Variants in ELOA2 observed in about 807,000 individuals in gnomAD.
The protein encoded by ELOA2 is elongin-A2.
For synonymous variants in ELOA2, 497 were observed against 398.8 expected (o/e 1.25, Z -2.94); for missense variants, 1,271 against 979.7 (o/e 1.30, Z -3.97).
At position 47,034,868 on chromosome 18, in the gene ELOA2, G is replaced by A. The variant is rs997095387; in HGVS notation, c.397C>T (p.Arg133Cys). 3 of 1,612,114 alleles carry A rather than the reference G, an allele frequency of 1.9e-6. No homozygotes were observed. The highest frequency in any genetic ancestry group is 2.5e-6 in the Non-Finnish European group (3 of 1,179,940). Residue 133 changes from arginine to cysteine, a missense_variant, in exon 1 of 1, where the codon CGC (arginine) becomes TGC (cysteine). Transcript: ENST00000332567. ...SHSPEHRRTA[R>C]RTPPGQQRPH... is the part of the protein sequence containing the mutation. ...CTCTGTTGCCCCGGAGGTGTTCTGCGTGCTGTCCGTCTGTGCTCAGGGCTG... is the reference window on the plus strand; with the variant it reads ...CTCTGTTGCCCCGGAGGTGTTCTGCATGCTGTCCGTCTGTGCTCAGGGCTG...
rs2060530243 is a variant in ELOA2, at chr18:47,032,697, T to A, written c.*306A>T. 2 of 451,506 alleles carry A rather than the reference T, an allele frequency of 4.4e-6. No homozygotes were observed. The highest frequency in any genetic ancestry group is 4.0e-5 in the Admixed American group (1 of 24,854). The allele number at this position is 451,506 out of a possible 1,614,324, so 28.0% of individuals were successfully genotyped here. On this transcript the variant is annotated 3_prime_UTR_variant, in exon 1 of 1. Transcript: ENST00000332567. The stretch of plus-strand genomic sequence containing the variant: ...AAGAAAGGAAAAAGGAAATCTCACA[T>A]CTTTTTCCTTATTTATGATTACAAC...
At position 47,034,626 on chromosome 18, in the gene ELOA2, G is replaced by A. The variant is rs766294524; in HGVS notation, c.639C>T (p.Gly213=). 6.2e-6 allele frequency: 10 copies of A among 1,614,088 alleles called. No homozygotes were observed. Among genetic ancestry groups the A allele is most frequent in the Middle Eastern group, 1.7e-4 (1 of 6,042 alleles). The part of the protein sequence containing the change: ...GGPLLCPGCQ[G]QPQGKAVVSH... ...TCACAACGGCTTTCCCCTGGGGTTGGCCCTGGCAGCCTGGACACAGCAGAG... is the reference window on the plus strand; with the variant it reads ...TCACAACGGCTTTCCCCTGGGGTTGACCCTGGCAGCCTGGACACAGCAGAG... The change falls in exon 1 of 1, where the codon GGC becomes GGT. Residue 213 remains glycine, a synonymous_variant. Coordinates refer to ENST00000332567, the MANE Select transcript of ELOA2 (RefSeq NM_016427.3).
chr18:47,035,300 G>T lies in ELOA2; in HGVS notation c.-36C>A. On this transcript the variant is annotated 5_prime_UTR_variant, in exon 1 of 1. Coordinates refer to ENST00000332567, the MANE Select transcript of ELOA2 (RefSeq NM_016427.3). ...CTGTGCAGGCGTCGCTGTCCCGGCG[G>T]TCGCAGCTCTGTCTTTGGGGCTGCG... is the stretch of plus-strand genomic sequence containing the variant. 6.2e-7 allele frequency: 1 copy of T among 1,611,612 alleles called. No individual in the cohort carries two copies. The highest frequency in any genetic ancestry group is 1.7e-5 in the Admixed American group (1 of 59,992).
In ELOA2 at chr18:47,033,342, C is replaced by A. The variant is rs1055792077; in HGVS notation, c.1923G>T (p.Met641Ile). The A allele has an allele frequency of 9.9e-6, 16 of 1,613,852 alleles. No individual in the cohort carries two copies. The highest frequency in any genetic ancestry group is 1.3e-5 in the African/African-American group (1 of 74,914). Reference sequence around the variant, plus strand: ...TCTTGGCCACAGATTTGAAACAGATCATCTTTGCCTCTCTGCCGTTGGGGT... The same window carrying A: ...TCTTGGCCACAGATTTGAAACAGATAATCTTTGCCTCTCTGCCGTTGGGGT... ...GNNPNGREAK[M>I]ICFKSVAKTP... Residue 641 changes from methionine (M) to isoleucine (I), a missense_variant, in exon 1 of 1, where the codon ATG becomes ATT. Transcript: ENST00000332567.
chr18:47,034,474 C>G lies in ELOA2; in HGVS notation c.791G>C (p.Arg264Thr), dbSNP rs1359072930. 6.2e-7 allele frequency: 1 copy of G among 1,614,004 alleles called. No individual in the cohort carries two copies. Among genetic ancestry groups the G allele is most frequent in the African/African-American group, 1.3e-5 (1 of 74,950 alleles). ...CGACLREETP[R>T]MPSWASARDR... ...CCTGGCACTTGCCCAGGAGGGCATC[C>G]TTGGGGTTTCCTCTCTTAAGCAGGC... is the stretch of plus-strand genomic sequence containing the variant. The change falls in exon 1 of 1, where the codon AGG becomes ACG. Residue 264 changes from arginine (R) to threonine (T), a missense_variant. Transcript: ENST00000332567.
In ELOA2 at chr18:47,032,533, G is replaced by A. The variant is rs1485730789; in HGVS notation, c.*470C>T. The A allele has an allele frequency of 2.5e-5, 5 of 200,312 alleles. No individual in the cohort carries two copies. The South Asian group carries it at 3.3e-4, about 13-fold the overall frequency. The allele number at this position is 200,312 out of a possible 1,614,324, so 12.4% of individuals were successfully genotyped here. On this transcript the variant is annotated 3_prime_UTR_variant, in exon 1 of 1. Coordinates refer to ENST00000332567, the MANE Select transcript of ELOA2 (RefSeq NM_016427.3). ...AAAGGAGGATGGCTCACGATTACAA[G>A]ATCATGCTCAGCCTTTTATTAAAAC...
chr18:47,032,915 G>A lies in ELOA2; in HGVS notation c.*88C>T. On this transcript the variant is annotated 3_prime_UTR_variant, in exon 1 of 1. Coordinates refer to ENST00000332567, the MANE Select transcript of ELOA2 (RefSeq NM_016427.3). ...TTTGCACCAAGTTAAAGGTTCTGGT[G>A]TCCATTGGAAGTTTCGTTCCCCAAC... is the stretch of plus-strand genomic sequence containing the variant. 1 of 1,607,168 alleles carries A rather than the reference G, an allele frequency of 6.2e-7. No homozygotes were observed. The highest frequency in any genetic ancestry group is 8.5e-7 in the Non-Finnish European group (1 of 1,176,456).
chr18:47,033,806 C>G lies in ELOA2; in HGVS notation c.1459G>C (p.Ala487Pro). Residue 487 changes from alanine (A) to proline (P), a missense_variant, in exon 1 of 1, where the codon GCA (alanine) becomes CCA (proline). By Grantham distance (27) the Ala-to-Pro change is conservative (BLOSUM62 -1). Transcript: ENST00000332567. ...GGTGAAGAGAGTGCTTCTGGCTTTG[C>G]CTGGGAGGTCATGGAGTCAGAATCC... is the stretch of plus-strand genomic sequence containing the variant. ...LSDSDSMTSQAKPEALSSPKF... is the reference protein window; with the variant it reads ...LSDSDSMTSQPKPEALSSPKF... 1 of 1,614,180 alleles carries G rather than the reference C, an allele frequency of 6.2e-7. No homozygotes were observed. The highest frequency in any genetic ancestry group is 8.5e-7 in the Non-Finnish European group (1 of 1,180,040).
At position 47,033,106 on chromosome 18, in the gene ELOA2, T is replaced by A; in HGVS notation, c.2159A>T (p.His720Leu). ...ANPCLSSSNE[H>L]AAPAAKTRKQ... ...CCGGGTTTTGGCCGCGGGCGCCGCG[T>A]GCTCATTGCTGCTGCTCAGGCAGGG... Residue 720 changes from histidine (H) to leucine (L), a missense_variant, in exon 1 of 1, where the codon CAC (histidine) becomes CTC (leucine). By Grantham distance (99) the His-to-Leu change is moderately conservative. Coordinates refer to ENST00000332567, the MANE Select transcript of ELOA2 (RefSeq NM_016427.3). 1 of 1,614,146 alleles carries A rather than the reference T, an allele frequency of 6.2e-7. No individual in the cohort carries two copies. Among genetic ancestry groups the A allele is most frequent in the Non-Finnish European group, 8.5e-7 (1 of 1,180,046 alleles).
chr18:47,035,354 C>G lies in ELOA2; in HGVS notation c.-90G>C. 1 of 1,590,978 alleles carries G rather than the reference C, an allele frequency of 6.3e-7. No individual in the cohort carries two copies. Among genetic ancestry groups the G allele is most frequent in the East Asian group, 2.3e-5 (1 of 44,426 alleles). On this transcript the variant is annotated 5_prime_UTR_variant, in exon 1 of 1. Coordinates refer to ENST00000332567, the MANE Select transcript of ELOA2 (RefSeq NM_016427.3). ...CAGGAAGTCTGGGGTGGCCGGTCCT[C>G]GCTGCCCGGTCGCCAGGCAGCGACC...
Position 47,032,883 on chromosome 18 carries a change from G to T in ELOA2, c.*120C>A, listed in dbSNP as rs950795327. Reference sequence around the variant, plus strand: ...CACATGACACCTGCAGAATTCAAAGGCTCAACTTTGCACCAAGTTAAAGGT... The same window carrying T: ...CACATGACACCTGCAGAATTCAAAGTCTCAACTTTGCACCAAGTTAAAGGT... On this transcript the variant is annotated 3_prime_UTR_variant, in exon 1 of 1. Coordinates refer to ENST00000332567, the MANE Select transcript of ELOA2 (RefSeq NM_016427.3). 3 of 1,574,116 alleles carry T rather than the reference G, an allele frequency of 1.9e-6. No homozygotes were observed. The highest frequency in any genetic ancestry group is 1.2e-5 in the South Asian group (1 of 83,650).
Position 47,034,395 on chromosome 18 carries a change from G to A in ELOA2, c.870C>T (p.Ser290=), listed in dbSNP as rs373135969. 3.0e-5 allele frequency: 49 copies of A among 1,614,050 alleles called. No individual in the cohort carries two copies. In the South Asian group the frequency reaches 3.6e-4, roughly 12 times the overall value. The part of the protein sequence containing the change: ...KTDKEGGQAG[S]GQRVPALEEA... ...CCTCCAAGGCAGGGACACGCTGGCC[G>A]CTGCCAGCTTGCCCCCCTTCCTTGT... is the stretch of plus-strand genomic sequence containing the variant. The change falls in exon 1 of 1, where the codon AGC becomes AGT. Residue 290 remains serine, a synonymous_variant. Coordinates refer to ENST00000332567, the MANE Select transcript of ELOA2 (RefSeq NM_016427.3).
chr18:47,034,033 T>G lies in ELOA2; in HGVS notation c.1232A>C (p.Gln411Pro). The G allele has an allele frequency of 6.2e-7, 1 of 1,614,208 alleles. No individual in the cohort carries two copies. The highest frequency in any genetic ancestry group is 8.5e-7 in the Non-Finnish European group (1 of 1,180,040). Residue 411 changes from glutamine (Q) to proline (P), a missense_variant, in exon 1 of 1, where the codon CAA becomes CCA. By Grantham distance (76) the Gln-to-Pro change is moderately conservative. Coordinates refer to ENST00000332567, the MANE Select transcript of ELOA2 (RefSeq NM_016427.3). The part of the protein sequence containing the change: ...KSATTALGDK[Q>P]RKANESKGTR... ...GCCCTTGGATTCGTTTGCTTTCCTT[T>G]GTTTATCTCCAAGTGCAGTGGTGGC...
rs771676661 is a variant in ELOA2 at position 47,033,921 on chromosome 18, G to A, written c.1344C>T (p.Ser448=). 9 of 1,613,018 alleles carry A rather than the reference G, an allele frequency of 5.6e-6. No individual in the cohort carries two copies. The highest frequency in any genetic ancestry group is 1.1e-5 in the South Asian group (1 of 91,020). The part of the protein sequence containing the change: ...SERLQAAGAD[S]AGPKTVPSHV... ...GGCTGGGCACCGTTTTCGGCCCGGCGGAATCAGCGCCGGCCGCCTGCAGCC... is the reference window on the plus strand; with the variant it reads ...GGCTGGGCACCGTTTTCGGCCCGGCAGAATCAGCGCCGGCCGCCTGCAGCC... Residue 448 remains serine (S), a synonymous_variant, in exon 1 of 1, where the codon TCC becomes TCT. Transcript: ENST00000332567.
At position 47,035,299 on chromosome 18, in the gene ELOA2, G is replaced by A. The variant is rs531466151; in HGVS notation, c.-35C>T. ...GCTGTGCAGGCGTCGCTGTCCCGGCGGTCGCAGCTCTGTCTTTGGGGCTGC... is the reference window on the plus strand; with the variant it reads ...GCTGTGCAGGCGTCGCTGTCCCGGCAGTCGCAGCTCTGTCTTTGGGGCTGC... On this transcript the variant is annotated 5_prime_UTR_variant, in exon 1 of 1. Coordinates refer to ENST00000332567, the MANE Select transcript of ELOA2 (RefSeq NM_016427.3). 3.0e-5 allele frequency: 48 copies of A among 1,611,702 alleles called. No homozygotes were observed. The highest frequency in any genetic ancestry group is 3.7e-5 in the Non-Finnish European group (44 of 1,179,526).
chr18:47,033,330 T>C lies in ELOA2; in HGVS notation c.1935A>G (p.Lys645=). The change falls in exon 1 of 1, where the codon AAA becomes AAG. Residue 645 remains lysine (K), a synonymous_variant. Coordinates refer to ENST00000332567, the MANE Select transcript of ELOA2 (RefSeq NM_016427.3). ...NGREAKMICF[K]SVAKTPYDTS... ...TATCATAAGGCGTCTTGGCCACAGATTTGAAACAGATCATCTTTGCCTCTC... is the reference window on the plus strand; with the variant it reads ...TATCATAAGGCGTCTTGGCCACAGACTTGAAACAGATCATCTTTGCCTCTC... 6.2e-7 allele frequency: 1 copy of C among 1,613,868 alleles called. No individual in the cohort carries two copies. The highest frequency in any genetic ancestry group is 8.5e-7 in the Non-Finnish European group (1 of 1,180,028).
Position 47,033,130 on chromosome 18 carries a change from G to T in ELOA2, c.2135C>A (p.Pro712His). The T allele has an allele frequency of 6.2e-7, 1 of 1,614,090 alleles. No individual in the cohort carries two copies. Among genetic ancestry groups the T allele is most frequent in the Non-Finnish European group, 8.5e-7 (1 of 1,180,044 alleles). ...LRWLPEKRANPCLSSSNEHAA... is the reference protein window; with the variant it reads ...LRWLPEKRANHCLSSSNEHAA... ...GTGCTCATTGCTGCTGCTCAGGCAG[G>T]GGTTGGCCCGCTTCTCAGGGAGCCA... Residue 712 changes from proline to histidine, a missense_variant, in exon 1 of 1, where the codon CCC becomes CAC. Pro to His is a moderately conservative substitution (Grantham distance 77). Transcript: ENST00000332567.
chr18:47,033,096 G>A lies in ELOA2; in HGVS notation c.2169C>T (p.Pro723=), dbSNP rs888416579. The A allele has an allele frequency of 3.1e-6, 5 of 1,613,952 alleles. No individual in the cohort carries two copies. Among genetic ancestry groups the A allele is most frequent in the South Asian group, 1.1e-5 (1 of 91,074 alleles). ...CLSSSNEHAA[P]AAKTRKQAAK... ...CAGCCTGTTTCCGGGTTTTGGCCGCGGGCGCCGCGTGCTCATTGCTGCTGC... is the reference window on the plus strand; with the variant it reads ...CAGCCTGTTTCCGGGTTTTGGCCGCAGGCGCCGCGTGCTCATTGCTGCTGC... Residue 723 remains proline (P), a synonymous_variant, in exon 1 of 1, where the codon CCC becomes CCT. Transcript: ENST00000332567.
rs568463304 is a variant in ELOA2, at chr18:47,032,813, C to G, written c.*190G>C. 2 of 1,015,910 alleles carry G rather than the reference C, an allele frequency of 2.0e-6. No individual in the cohort carries two copies. Among genetic ancestry groups the G allele is most frequent in the East Asian group, 5.2e-5 (2 of 38,694 alleles). The allele number at this position is 1,015,910 out of a possible 1,614,324, so 62.9% of individuals were successfully genotyped here. On this transcript the variant is annotated 3_prime_UTR_variant, in exon 1 of 1. Transcript: ENST00000332567. The stretch of plus-strand genomic sequence containing the variant: ...TCTGAATTCTGAGGTGTTCTCCAAG[C>G]TGGGAGGTAGTGGCTGGGTGTGGGA...
Sources: gnomAD v4.1 joint callset for allele counts on GRCh38, gnomAD v4.1.1 for gene constraint, MANE v1.5 for transcripts, NCBI Gene and HGNC (gene_info 2026-07-23, HGNC 2026-07-21) for gene names.